Variants in PCDHGB2 observed in about 807,000 individuals in gnomAD.
PCDHGB2 encodes the protein protocadherin gamma-B2.
PCDHGB2 carries 55 observed loss-of-function variants against 59.3 expected under a neutral mutation model. The observed-to-expected ratio is 0.93, with a 90% confidence interval of 0.75 to 1.16. The LOEUF (loss-of-function observed/expected upper bound fraction) is 1.16. Among genes scored for constraint, PCDHGB2 ranks in the 50% most tolerant of loss-of-function variants. The pLI, the probability that PCDHGB2 is intolerant of heterozygous loss-of-function variation, is 0.00. For missense variants in PCDHGB2, 1,228 were observed against 1,198.5 expected (o/e 1.02, Z -0.36); for synonymous variants, 516 against 512.0 (o/e 1.01, Z -0.11).
chr5:141,376,643 A>T, intron 1 of PCDHGB2: 1 of 1,013,992 alleles, frequency 9.9e-7, no homozygotes, highest in Non-Finnish European at 1.4e-6. Context: ...GATTTTGTAA[A>T]GTGGAAGACT....
At chr5:141,371,175 G>T (rs753971437) in intron 1 of PCDHGB2, 1 of 1,614,004 alleles carries the variant, frequency 6.2e-7, no homozygotes, top group South Asian at 1.1e-5. Flanking sequence ...TGGCTCCTCC[G>T]TATTAAAAGT....
intron 2 of PCDHGB2, among the ~76,000 whole-genome samples, chr5:141,496,335 C>G (rs2099768099): frequency 1.3e-5 from 2 of 152,204 alleles, no homozygotes; most frequent in Admixed American, 6.5e-5. Flanking sequence ...AAGTCAGGAG[C>G]CTGGAGGAGT....
At chr5:141,428,105 G>T in intron 1 of PCDHGB2, 4 of 1,608,184 alleles carry the variant, frequency 2.5e-6, no homozygotes, top group Non-Finnish European at 2.5e-6. Context: ...ACCACGTGCT[G>T]CAGGCCATCG....
In PCDHGB2 at chr5:141,432,752, G is replaced by C. The variant is rs1407361813; in HGVS notation, c.2422-62055G>C. On this transcript the variant is annotated intron_variant, in intron 1 of 3. Coordinates refer to ENST00000522605, the MANE Select transcript of PCDHGB2 (RefSeq NM_018923.3). The surrounding 1 kb of genome is among the most constrained non-coding windows in gnomAD (Gnocchi z 6.0). Reference sequence around the variant, plus strand: ...CACTGTCACGCTCACCGTGGCCGTGGCCGACAGCATCCCCCAAGTCCTGGC... The same window carrying C: ...CACTGTCACGCTCACCGTGGCCGTGCCCGACAGCATCCCCCAAGTCCTGGC... 9.3e-6 allele frequency: 15 copies of C among 1,614,024 alleles called. No individual in the cohort carries two copies. The highest frequency in any genetic ancestry group is 1.3e-5 in the Non-Finnish European group (15 of 1,180,008).
Position 141,486,589 on chromosome 5 carries a change from C to T in PCDHGB2, c.2422-8218C>T. On this transcript the variant is annotated intron_variant, in intron 1 of 3. Transcript: ENST00000522605. The surrounding 1 kb of genome is among the most constrained non-coding windows in gnomAD (Gnocchi z 5.0). ...TTCCTGAGAACAATCGCCCAGGGGA[C>T]CTGCTTTGCTCCCTTGCAGCCTCTG... 1 of 1,613,676 alleles carries T rather than the reference C, an allele frequency of 6.2e-7. No individual in the cohort carries two copies. Among genetic ancestry groups the T allele is most frequent in the African/African-American group, 1.3e-5 (1 of 75,064 alleles).
intron 1 of PCDHGB2, chr5:141,385,756 T>A: frequency 5.6e-6 from 1 of 179,052 alleles, no homozygotes; most frequent in Non-Finnish European, 1.1e-5. Flanking sequence ...GATTTTTTTC[T>A]GTGGCTGATT....
intron 1 of PCDHGB2, chr5:141,413,001 G>A (rs2095597089): frequency 1.7e-6 from 1 of 592,790 alleles, no homozygotes; most frequent in Non-Finnish European, 2.8e-6. Flanking sequence ...CGGATTCTCA[G>A]GGCTTCAACT....
chr5:141,391,134 C>T (rs2092305385), intron 1 of PCDHGB2: 1 of 152,118 alleles, frequency 6.6e-6, no homozygotes, highest in African/African-American at 2.4e-5. Context: ...TAATCATTCT[C>T]CTACCTCTAG....
At chr5:141,464,422 TATAG>T (rs2099083887) in intron 1 of PCDHGB2, among the ~76,000 whole-genome samples, 1 of 151,672 alleles carries the variant, frequency 6.6e-6, no homozygotes, top group African/African-American at 2.4e-5. Context: ...TATCTATATA[TATAG>T]ATATATATGT....
intron 1 of PCDHGB2, chr5:141,384,110 T>G: frequency 6.2e-7 from 1 of 1,604,780 alleles, no homozygotes; most frequent in Non-Finnish European, 8.5e-7. Context: ...TATTATAGAT[T>G]GGTCACAACC....
chr5:141,481,897 G>A (rs916673176), intron 1 of PCDHGB2, among the ~76,000 whole-genome samples: 3 of 128,712 alleles, frequency 2.3e-5, no homozygotes, highest in South Asian at 5.0e-4. Context: ...CTGGGTGAAA[G>A]AGCGAAACTC....
At chr5:141,394,240 C>T in intron 1 of PCDHGB2, 1 of 1,613,940 alleles carries the variant, frequency 6.2e-7, no homozygotes, top group Non-Finnish European at 8.5e-7. Context: ...TCCTTGACTG[C>T]ACACGACCCC....
rs978973236 is a variant in PCDHGB2, at chr5:141,399,545, C to G, written c.2421+36989C>G. 8 of 1,614,050 alleles carry G rather than the reference C, an allele frequency of 5.0e-6. No homozygotes were observed. In the South Asian group the frequency reaches 6.6e-5, roughly 13 times the overall value. ...GCCTCCATCGCGCAAGTCTGCGCCT[C>G]GGACCTGGACTTGGGGTTGAACGGC... On this transcript the variant is annotated intron_variant, in intron 1 of 3. Transcript: ENST00000522605.
At chr5:141,475,553 TTGTC>T (rs2099365287) in intron 1 of PCDHGB2, among the ~76,000 whole-genome samples, 2 of 152,260 alleles carry the variant, frequency 1.3e-5, no homozygotes, top group Non-Finnish European at 2.9e-5. Context: ...GTCCGGCTAA[TTGTC>T]TGTCTTCCAA....
Position 141,361,000 on chromosome 5 carries a change from A to C in PCDHGB2, c.865A>C (p.Lys289Gln). Residue 289 changes from lysine (K) to glutamine (Q), a missense_variant, in exon 1 of 4, where the codon AAA becomes CAA. By Grantham distance (53) the Lys-to-Gln change is moderately conservative (BLOSUM62 1). This residue lies in a region of PCDHGB2 where 781 missense variants were observed against 721.6 expected (regional missense o/e 1.08). Coordinates refer to ENST00000522605, the MANE Select transcript of PCDHGB2 (RefSeq NM_018923.3). ...YSFHNVDEQVKHFFNLNEKTG... is the reference protein window; with the variant it reads ...YSFHNVDEQVQHFFNLNEKTG... Reference sequence around the variant, plus strand: ...CTTTCATAATGTGGACGAACAAGTGAAACACTTTTTCAACTTAAATGAAAA... The same window carrying C: ...CTTTCATAATGTGGACGAACAAGTGCAACACTTTTTCAACTTAAATGAAAA... The C allele has an allele frequency of 6.2e-7, 1 of 1,613,524 alleles. No individual in the cohort carries two copies. The highest frequency in any genetic ancestry group is 8.5e-7 in the Non-Finnish European group (1 of 1,179,614).
In PCDHGB2 at chr5:141,489,750, C is replaced by T. The variant is rs753217170; in HGVS notation, c.2422-5057C>T. On this transcript the variant is annotated intron_variant, in intron 1 of 3. Coordinates refer to ENST00000522605, the MANE Select transcript of PCDHGB2 (RefSeq NM_018923.3). The surrounding 1 kb of genome is among the most constrained non-coding windows in gnomAD (Gnocchi z 4.5). ...TGGGCACCAATACTGTGAGCTTTTA[C>T]ACTCTAAGCCCCAACAGCCACTTCT... 1.2e-6 allele frequency: 2 copies of T among 1,614,098 alleles called. No homozygotes were observed. Among genetic ancestry groups the T allele is most frequent in the Admixed American group, 3.3e-5 (2 of 60,022 alleles).
At chr5:141,473,039 A>G (rs1593411714) in intron 1 of PCDHGB2, among the ~76,000 whole-genome samples, 1 of 152,016 alleles carries the variant, frequency 6.6e-6, no homozygotes, top group East Asian at 1.9e-4. Context: ...GGAAGGAAAG[A>G]AAGAAAGAAG....
intron 3 of PCDHGB2, 89 bp from the exon 4 acceptor site, chr5:141,510,858 T>C (rs992991460): frequency 5.8e-5 from 93 of 1,606,182 alleles, no homozygotes; most frequent in South Asian, 1.0e-4. Flanking sequence ...GGGTGCTGTA[T>C]AGGCATTCAT....
At chr5:141,370,057 C>G (rs180898728) in intron 1 of PCDHGB2, among the ~76,000 whole-genome samples, 1 of 152,268 alleles carries the variant, frequency 6.6e-6, no homozygotes, top group East Asian at 1.9e-4. Flanking sequence ...TTTAAAAGTC[C>G]TTTTAAAATG....
Sources: gnomAD v4.1 joint callset for allele counts (sites outside exome capture counted in the v4.1 genomes callset) on GRCh38, gnomAD v4.1.1 for gene constraint, gnomAD v4.1.1 regional missense constraint, Gnocchi (gnomAD v3.1) non-coding constraint, MANE v1.5 for transcripts, NCBI Gene and HGNC (gene_info 2026-07-23, HGNC 2026-07-21) for gene names.